The following UNC13A variants were observed in gnomAD, a reference collection of about 807,000 sequenced individuals.
UNC13A encodes unc-13 homolog A, also known as protein unc-13 homolog A.
UNC13A carries 61 observed loss-of-function variants against 219.7 expected under a neutral mutation model. That is an observed-to-expected ratio of 0.28 (90% CI 0.23 to 0.34). UNC13A has a LOEUF of 0.34. UNC13A is among the 10% of genes least tolerant of loss of function. The pLI is 1.00. For synonymous variants in UNC13A, 920 were observed against 884.6 expected (o/e 1.04, Z -0.71); for missense variants, 1,476 against 2,270.3 (o/e 0.65, Z 7.11).
At chr19:17,661,857 C>T (rs1249284074) in intron 8 of UNC13A, among the ~76,000 whole-genome samples, 13 of 152,074 alleles carry the variant, frequency 8.5e-5, no homozygotes, top group Non-Finnish European at 2.9e-5. Flanking sequence ...GTTGGGTGAG[C>T]GAGTGAAGTT....
At chr19:17,640,007 C>T (rs2076951412) in intron 22 of UNC13A, 99 bp from the exon 23 acceptor site, 1 of 1,164,126 alleles carries the variant, frequency 8.6e-7, no homozygotes, top group African/African-American at 1.5e-5. Context: ...CATCCACCAC[C>T]CTCATAATGT....
At chr19:17,621,271 A>G (rs2076727304) in intron 37 of UNC13A, among the ~76,000 whole-genome samples, 1 of 152,074 alleles carries the variant, frequency 6.6e-6, no homozygotes, top group South Asian at 2.1e-4. Flanking sequence ...TGCCTGGGAC[A>G]CTGAATGTGC....
Position 17,646,025 on chromosome 19 carries a change from G to A in UNC13A, c.2131C>T (p.Arg711Trp), listed in dbSNP as rs2077022662. The A allele has an allele frequency of 3.1e-6, 5 of 1,613,672 alleles. No homozygotes were observed. The highest frequency in any genetic ancestry group is 2.2e-5 in the East Asian group (1 of 44,856). The change falls in exon 18 of 44, where the codon CGG (arginine) becomes TGG (tryptophan). Residue 711 changes from arginine (R) to tryptophan (W), a missense_variant. Physicochemically the swap from Arg to Trp is moderately radical, Grantham distance 101 (BLOSUM62 -3). This residue lies in a region of UNC13A where 66 missense variants were observed against 224.3 expected (regional missense o/e 0.29). Coordinates refer to ENST00000519716, the MANE Select transcript of UNC13A (RefSeq NM_001080421.3). The part of the protein sequence containing the change: ...VTVQVGKTKK[R>W]TKTIYGNLNP... ...AGGTTCCCATAGATGGTTTTTGTCC[G>A]TTTCTTGGTCTTCCCGACCTGGACG...
Position 17,687,522 on chromosome 19 carries a change from T to C in UNC13A, c.22+656A>G, listed in dbSNP as rs148339324. 1.7e-4 allele frequency among the ~76,000 whole-genome samples: 26 copies of C among 152,060 alleles called. No individual in the cohort carries two copies. The East Asian group carries it at 5.1e-3, about 30-fold the overall frequency. On this transcript the variant is annotated intron_variant, in intron 1 of 43. Transcript: ENST00000519716. Reference sequence around the variant, plus strand: ...TCACTCGGGAGGCCAAAGAGTTAACTGGAAAAGCGCCCCCAGACCTCCAGT... The same window carrying C: ...TCACTCGGGAGGCCAAAGAGTTAACCGGAAAAGCGCCCCCAGACCTCCAGT...
At chr19:17,608,375 T>G (rs1011626179) in intron 43 of UNC13A, among the ~76,000 whole-genome samples, 7 of 95,692 alleles carry the variant, frequency 7.3e-5, no homozygotes, top group African/African-American at 1.7e-4. Context: ...ATATTATATA[T>G]GTATATAAAT....
chr19:17,676,193 C>A (rs890946275), intron 1 of UNC13A, 152 bp from the exon 2 acceptor site: 2 of 846,374 alleles, frequency 2.4e-6, no homozygotes, highest in Non-Finnish European at 3.9e-6. Flanking sequence ...GCAAAAGAGA[C>A]AGATGTTAAA....
At chr19:17,616,449 C>A in intron 41 of UNC13A, 1 of 695,232 alleles carries the variant, frequency 1.4e-6, no homozygotes, top group Non-Finnish European at 2.6e-6. Flanking sequence ...AAACCTAGTA[C>A]CTTTTCCACC....
intron 1 of UNC13A, among the ~76,000 whole-genome samples, chr19:17,676,741 C>T (rs956772254): frequency 1.2e-4 from 19 of 152,140 alleles, no homozygotes; most frequent in Non-Finnish European, 2.8e-4. Context: ...GGGCGAGGCA[C>T]GGTGGCTCAC....
At chr19:17,648,188 C>G (rs1457642266) in intron 16 of UNC13A, among the ~76,000 whole-genome samples, 1 of 151,328 alleles carries the variant, frequency 6.6e-6, no homozygotes, top group African/African-American at 2.4e-5. Context: ...CCCCACCCCT[C>G]TCTGACACCC....
At chr19:17,630,066 T>C (rs777812048) in intron 30 of UNC13A, 79 bp downstream of exon 30, 3 of 1,468,242 alleles carry the variant, frequency 2.0e-6, no homozygotes, top group African/African-American at 1.4e-5. Flanking sequence ...ACCTCAACCT[T>C]AGCCCATCTC....
Position 17,606,033 on chromosome 19 carries a change from C to G in UNC13A, c.*21G>C. Reference sequence around the variant, plus strand: ...CAGCGCCCTCCGCGCAGGCGCAGTGCCGCTCGGCCGACCGCCCGCGCTAAG... The same window carrying G: ...CAGCGCCCTCCGCGCAGGCGCAGTGGCGCTCGGCCGACCGCCCGCGCTAAG... On this transcript the variant is annotated 3_prime_UTR_variant, in exon 44 of 44. Coordinates refer to ENST00000519716, the MANE Select transcript of UNC13A (RefSeq NM_001080421.3). The G allele has an allele frequency of 6.8e-7, 1 of 1,469,814 alleles. No homozygotes were observed. Among genetic ancestry groups the G allele is most frequent in the Non-Finnish European group, 9.0e-7 (1 of 1,115,980 alleles). 91.0% of individuals were successfully genotyped at this position (1,469,814 alleles called of 1,614,324 possible).
At chr19:17,629,131 A>C (rs1891766137) in intron 31 of UNC13A, 109 bp downstream of exon 31, 2 of 874,628 alleles carry the variant, frequency 2.3e-6, no homozygotes, top group Non-Finnish European at 3.6e-6. Flanking sequence ...CAGATCACAC[A>C]CAGGTGGACA....
chr19:17,645,125 C>T (rs1568522744), intron 19 of UNC13A, among the ~76,000 whole-genome samples: 1 of 151,470 alleles, frequency 6.6e-6, no homozygotes. Context: ...TCTCCTGCCT[C>T]AGCCTCCCAA....
At chr19:17,645,262 G>A (rs2077013678) in intron 19 of UNC13A, among the ~76,000 whole-genome samples, 2 of 151,844 alleles carry the variant, frequency 1.3e-5, no homozygotes, top group Admixed American at 1.3e-4. Flanking sequence ...GCCTGCCTCA[G>A]CTTCCCAAAG....
chr19:17,674,588 G>A lies in UNC13A; in HGVS notation c.152+69C>T, dbSNP rs984260828. 3.5e-6 allele frequency: 5 copies of A among 1,429,738 alleles called. No homozygotes were observed. Among genetic ancestry groups the A allele is most frequent in the Non-Finnish European group, 3.9e-6 (4 of 1,019,764 alleles). 88.6% of individuals were successfully genotyped at this position (1,429,738 alleles called of 1,614,324 possible). A position where few individuals can be genotyped will look rare whatever the true frequency, so the allele number is the denominator to read the frequency against. ...CCGGGATTCCCCAGTGTCCAGCTCT[G>A]CCCTGAGGGGCCAGCGAGGTGCTGG... On this transcript the variant is annotated intron_variant, in intron 3 of 43. Coordinates refer to ENST00000519716, the MANE Select transcript of UNC13A (RefSeq NM_001080421.3). The surrounding 1 kb of genome is among the most constrained non-coding windows in gnomAD (Gnocchi z 5.0).
At chr19:17,672,086 A>G (rs2079799534) in intron 4 of UNC13A, among the ~76,000 whole-genome samples, 1 of 152,062 alleles carries the variant, frequency 6.6e-6, no homozygotes, top group African/African-American at 2.4e-5. Flanking sequence ...GATGTGCATG[A>G]ACCACCCCCC....
intron 26 of UNC13A, among the ~76,000 whole-genome samples, chr19:17,634,768 T>G (rs2076895250): frequency 6.6e-6 from 1 of 152,218 alleles, no homozygotes. Flanking sequence ...CAATCTCGAC[T>G]CACTGCAACC....
At chr19:17,611,681 A>G (rs2076605288) in intron 42 of UNC13A, 82 bp downstream of exon 42, 1 of 1,304,442 alleles carries the variant, frequency 7.7e-7, no homozygotes, top group Non-Finnish European at 1.1e-6. Flanking sequence ...AACAACAACA[A>G]AAAAAGGGTG....
At chr19:17,617,981 A>G (rs930785477) in intron 40 of UNC13A, 132 bp from the exon 41 acceptor site, 38 of 1,276,078 alleles carry the variant, frequency 3.0e-5, no homozygotes, top group Non-Finnish European at 3.9e-5. Context: ...TGCTTTGCCT[A>G]GTGAACTCCT....
Sources: gnomAD v4.1 joint callset for allele counts (sites outside exome capture counted in the v4.1 genomes callset) on GRCh38, gnomAD v4.1.1 for gene constraint, gnomAD v4.1.1 regional missense constraint, Gnocchi (gnomAD v3.1) non-coding constraint, MANE v1.5 for transcripts, NCBI Gene and HGNC (gene_info 2026-07-23, HGNC 2026-07-21) for gene names.